The following ARHGEF10 variants were observed in gnomAD, a reference collection of about 807,000 sequenced individuals.
ARHGEF10 encodes the protein Rho guanine nucleotide exchange factor (GEF) 10.
A neutral mutation model predicts 147.4 loss-of-function variants in ARHGEF10; 140 were observed. The observed-to-expected ratio is 0.95, with a 90% CI of 0.83 to 1.09. The LOEUF (loss-of-function observed/expected upper bound fraction) is 1.09, where lower values mean the gene tolerates loss of function less well. Among genes scored for constraint, ARHGEF10 ranks in the 50% least tolerant of loss-of-function variants. The pLI is 0.00. For missense variants in ARHGEF10, 2,222 were observed against 1,752.7 expected, an observed-to-expected ratio of 1.27 and a Z score of -4.78; for synonymous variants, 902 against 695.8, an observed-to-expected ratio of 1.30 and a Z score of -4.67.
At chr8:1,875,783 C>G (rs953457836) in intron 7 of ARHGEF10, among the ~76,000 whole-genome samples, 6 of 152,170 alleles carry the variant, frequency 3.9e-5, no homozygotes, top group Non-Finnish European at 7.3e-5. Context: ...TTGAATGTTA[C>G]TTATGTGCTG....
chr8:1,910,441 C>T (rs541314171), intron 18 of ARHGEF10, among the ~76,000 whole-genome samples: 37 of 152,228 alleles, frequency 2.4e-4, no homozygotes, highest in African/African-American at 7.9e-4. Flanking sequence ...TAGGCTAATT[C>T]GTCAAGCATA....
At chr8:1,901,617 G>C (rs1810468816) in intron 15 of ARHGEF10, among the ~76,000 whole-genome samples, 1 of 152,230 alleles carries the variant, frequency 6.6e-6, no homozygotes, top group African/African-American at 2.4e-5. Context: ...GAGCCTCCTT[G>C]GGTGGCTGCC....
intron 1 of ARHGEF10, among the ~76,000 whole-genome samples, chr8:1,827,043 G>A (rs147405658): frequency 1.9e-3 from 293 of 152,310 alleles, no homozygotes; most frequent in Non-Finnish European, 3.1e-3. Flanking sequence ...AGCAGAGGCC[G>A]GTGACCAGCA....
Position 1,867,338 on chromosome 8 carries a change from C to T in ARHGEF10, c.622+736C>T, listed in dbSNP as rs181135459. Among the ~76,000 whole-genome samples, 10 of 152,258 alleles carry T rather than the reference C, an allele frequency of 6.6e-5. No homozygotes were observed. The East Asian group carries it at 1.7e-3, about 26-fold the overall frequency. ...GACTAGACATGTATTTTGACAAAAA[C>T]ACAATTTTTGGTCACGTGAATGATT... On this transcript the variant is annotated intron_variant, in intron 6 of 28. Coordinates refer to ENST00000349830, the MANE Select transcript of ARHGEF10 (RefSeq NM_014629.4).
chr8:1,823,458 G>GAGC (rs1802522346), upstream of ARHGEF10, among the ~76,000 whole-genome samples: 4 of 151,976 alleles, frequency 2.6e-5, no homozygotes, highest in Non-Finnish European at 5.9e-5. Context: ...CTGGGGGGGG[G>GAGC]AGCGTCTGCC....
At chr8:1,869,331 G>T in intron 7 of ARHGEF10, 81 bp downstream of exon 7, 1 of 1,174,046 alleles carries the variant, frequency 8.5e-7, no homozygotes, top group Non-Finnish European at 1.3e-6. Flanking sequence ...CTATTTAGTG[G>T]ACGGCCCAGA....
chr8:1,863,431 G>T (rs1406687511), intron 4 of ARHGEF10, among the ~76,000 whole-genome samples: 1 of 152,232 alleles, frequency 6.6e-6, no homozygotes, highest in East Asian at 1.9e-4. Flanking sequence ...GAAAACGGTT[G>T]AGAACTGTTG....
In ARHGEF10 at chr8:1,866,620, C is replaced by G. The variant is rs370890226; in HGVS notation, c.622+18C>G. The G allele has an allele frequency of 7.4e-5, 119 of 1,602,010 alleles. No individual in the cohort carries two copies. In the African/African-American group the frequency reaches 1.4e-3, roughly 19 times the overall value. Reference sequence around the variant, plus strand: ...GATGGAGAGTAAGTTCCCCAGCTGCCCACAGCCAGAATCCTCACCACGCTC... The same window carrying G: ...GATGGAGAGTAAGTTCCCCAGCTGCGCACAGCCAGAATCCTCACCACGCTC... On this transcript the variant is annotated intron_variant, in intron 6 of 28. Coordinates refer to ENST00000349830, the MANE Select transcript of ARHGEF10 (RefSeq NM_014629.4).
At chr8:1,903,691 GA>G in intron 16 of ARHGEF10, 1 of 590,080 alleles carries the variant, frequency 1.7e-6, no homozygotes, top group Non-Finnish European at 3.0e-6. Flanking sequence ...ACATTCATTA[GA>G]CCCTCAAATG....
chr8:1,842,311 T>G (rs1804156973), intron 1 of ARHGEF10, among the ~76,000 whole-genome samples: 1 of 152,130 alleles, frequency 6.6e-6, no homozygotes, highest in Admixed American at 6.5e-5. Context: ...TGTCTGCTTC[T>G]GAGAGTGCCA....
intron 19 of ARHGEF10, 62 bp downstream of exon 19, chr8:1,923,141 T>C (rs1330081114): frequency 2.2e-5 from 27 of 1,205,854 alleles, no homozygotes; most frequent in Non-Finnish European, 3.0e-5. Flanking sequence ...TGTAAGTATG[T>C]GATTATATCT....
At chr8:1,874,730 C>CG (rs1563212393) in intron 7 of ARHGEF10, among the ~76,000 whole-genome samples, 1 of 103,752 alleles carries the variant, frequency 9.6e-6, no homozygotes, top group East Asian at 2.8e-4. Flanking sequence ...GGTGTGTAAG[C>CG]AGTGGAGGTT....
At chr8:1,837,705 G>A (rs1803671322) in intron 1 of ARHGEF10, among the ~76,000 whole-genome samples, 1 of 152,150 alleles carries the variant, frequency 6.6e-6, no homozygotes, top group African/African-American at 2.4e-5. Context: ...CCTGCCACTT[G>A]CTCACCACCT....
intron 11 of ARHGEF10, among the ~76,000 whole-genome samples, chr8:1,892,100 C>T (rs1764177383): frequency 6.6e-6 from 1 of 151,408 alleles, no homozygotes; most frequent in South Asian, 2.1e-4. Context: ...GACTCAGGAG[C>T]CTTGGGAGAG....
Position 1,879,968 on chromosome 8 carries a change from A to G in ARHGEF10, c.844-80A>G, listed in dbSNP as rs1327471578. On this transcript the variant is annotated intron_variant, in intron 8 of 28. Transcript: ENST00000349830. ...CTGATGTGCCACTGCAGACGCTGCC[A>G]GCATCCTCTCAATGTAAAATTGTCC... is the stretch of plus-strand genomic sequence containing the variant. 3 of 1,001,292 alleles carry G rather than the reference A, an allele frequency of 3.0e-6. No homozygotes were observed. In the African/African-American group the frequency reaches 4.8e-5, roughly 16 times the overall value. The allele number at this position is 1,001,292 out of a possible 1,614,324, so 62.0% of individuals were successfully genotyped here.
intron 23 of ARHGEF10, chr8:1,927,351 G>A (rs1041812564): frequency 6.6e-6 from 1 of 152,232 alleles, no homozygotes; most frequent in South Asian, 2.1e-4. Context: ...AAGCATGAAA[G>A]TAGGATGTCT....
intron 18 of ARHGEF10, 137 bp from the exon 19 acceptor site, chr8:1,922,827 G>T: frequency 9.3e-6 from 6 of 642,856 alleles, no homozygotes; most frequent in Non-Finnish European, 1.6e-5. Flanking sequence ...GCTTGAAAAT[G>T]TCCACTTTTT....
rs554158904 is a variant in ARHGEF10 at position 1,883,419 on chromosome 8, G to C, written c.1075+670G>C. Reference sequence around the variant, plus strand: ...CTGTGACTCTGACCTGGCATTTCCTGGTTGTTTCTCCAGCTTTCTAATGTG... The same window carrying C: ...CTGTGACTCTGACCTGGCATTTCCTCGTTGTTTCTCCAGCTTTCTAATGTG... On this transcript the variant is annotated intron_variant, in intron 10 of 28. Coordinates refer to ENST00000349830, the MANE Select transcript of ARHGEF10 (RefSeq NM_014629.4). 2.6e-5 allele frequency among the ~76,000 whole-genome samples: 4 copies of C among 152,224 alleles called. No homozygotes were observed. The East Asian group carries it at 5.8e-4, about 22-fold the overall frequency.
Position 1,880,068 on chromosome 8 carries a change from T to C in ARHGEF10, c.864T>C (p.Arg288=). Residue 288 remains arginine, a synonymous_variant, in exon 9 of 29, where the codon CGT becomes CGC. Transcript: ENST00000349830. ...TGTAGCTTTCTCATGACCTAACCCGTTTAAAGGAGCACTATGAGAAAAAGA... is the reference window on the plus strand; with the variant it reads ...TGTAGCTTTCTCATGACCTAACCCGCTTAAAGGAGCACTATGAGAAAAAGA... ...HKKQLSHDLT[R]LKEHYEKKMR... The C allele has an allele frequency of 6.2e-7, 1 of 1,613,516 alleles. No individual in the cohort carries two copies. Among genetic ancestry groups the C allele is most frequent in the Non-Finnish European group, 8.5e-7 (1 of 1,179,494 alleles).
Sources: gnomAD v4.1 joint callset for allele counts (sites outside exome capture counted in the v4.1 genomes callset) on GRCh38, gnomAD v4.1.1 for gene constraint, MANE v1.5 for transcripts, NCBI Gene and HGNC (gene_info 2026-07-23, HGNC 2026-07-21) for gene names.